SMYD3: variants seen among roughly 807,000 people sequenced by gnomAD.
SMYD3 encodes SET and MYND domain containing 3, also known as histone-lysine N-methyltransferase SMYD3.
In SMYD3, 36 loss-of-function variants were observed where a neutral mutation model predicts 57.7. That is an observed-to-expected ratio of 0.62 (90% confidence interval 0.48 to 0.82). The LOEUF (loss-of-function observed/expected upper bound fraction) is 0.82. Ranked by LOEUF, SMYD3 falls within the 40% of genes least tolerant of loss-of-function variation. The pLI is 0.00. For synonymous variants in SMYD3, 211 were observed against 195.0 expected (o/e 1.08, Z -0.68); for missense variants, 515 against 538.8 (o/e 0.96, Z 0.44).
At chr1:246,449,122 C>G (rs1027317843) in intron 1 of SMYD3, among the ~76,000 whole-genome samples, 6 of 152,076 alleles carry the variant, frequency 3.9e-5, no homozygotes, top group Non-Finnish European at 8.8e-5. Context: ...TCCAGCTACT[C>G]AGGGGGGACT....
intron 5 of SMYD3, among the ~76,000 whole-genome samples, chr1:246,076,253 T>C (rs2060544268): frequency 6.6e-6 from 1 of 152,214 alleles, no homozygotes; most frequent in Non-Finnish European, 1.5e-5. Context: ...TTCAGTTCTC[T>C]GTTCCATTCA....
Position 245,870,371 on chromosome 1 carries a change from G to A in SMYD3, c.814-6485C>T, listed in dbSNP as rs138678004. 2.0e-4 allele frequency among the ~76,000 whole-genome samples: 30 copies of A among 152,194 alleles called. No homozygotes were observed. In the East Asian group the frequency reaches 5.2e-3, roughly 27 times the overall value. ...CCCCCAGCACAGGAAACCCCACGCC[G>A]GCTCCGGACCCACGCTTTCTGACAA... is the stretch of plus-strand genomic sequence containing the variant. On this transcript the variant is annotated intron_variant, in intron 8 of 11. Transcript: ENST00000490107.
At chr1:246,261,169 C>T (rs535862400) in intron 5 of SMYD3, among the ~76,000 whole-genome samples, 5 of 152,268 alleles carry the variant, frequency 3.3e-5, no homozygotes, top group African/African-American at 1.2e-4. Context: ...CACCATTCTC[C>T]GGCCTCAGCC....
At chr1:246,183,502 G>A (rs982768200) in intron 5 of SMYD3, among the ~76,000 whole-genome samples, 1 of 151,180 alleles carries the variant, frequency 6.6e-6, no homozygotes, top group Middle Eastern at 3.2e-3. Context: ...AGAAATCAGG[G>A]AAAATGCAAA....
intron 5 of SMYD3, among the ~76,000 whole-genome samples, chr1:246,238,893 G>GTT (rs35415664): frequency 0.074 from 9,890 of 133,020 alleles, 598 homozygotes; most frequent in East Asian, 0.23. Flanking sequence ...TCTTTGTTTG[G>GTT]TTTTTTTTTT....
chr1:246,356,404 G>T (rs1054568813), intron 1 of SMYD3, among the ~76,000 whole-genome samples: 3 of 152,066 alleles, frequency 2.0e-5, no homozygotes, highest in Non-Finnish European at 4.4e-5. Context: ...CCCCCCAAAA[G>T]ATCACACCGG....
chr1:246,236,478 G>A (rs997998815), intron 5 of SMYD3, among the ~76,000 whole-genome samples: 4 of 151,890 alleles, frequency 2.6e-5, no homozygotes, highest in East Asian at 1.9e-4. Flanking sequence ...GCAGTGGTGC[G>A]ATCTCGGCTC....
chr1:246,326,637 G>A, intron 5 of SMYD3: 2 of 368,302 alleles, frequency 5.4e-6, no homozygotes, highest in Admixed American at 8.8e-5. Flanking sequence ...GGTGGCTCAT[G>A]CCTGTAATCC....
chr1:246,022,036 A>C (rs2059480707), intron 5 of SMYD3, among the ~76,000 whole-genome samples: 1 of 152,246 alleles, frequency 6.6e-6, no homozygotes, highest in African/African-American at 2.4e-5. Flanking sequence ...ACAGCAACTA[A>C]GAGTGAGCAC....
At chr1:246,235,515 G>C (rs1462231848) in intron 5 of SMYD3, among the ~76,000 whole-genome samples, 3 of 152,118 alleles carry the variant, frequency 2.0e-5, no homozygotes, top group Non-Finnish European at 4.4e-5. Flanking sequence ...GCAACAGTCA[G>C]GCTCTGCAGG....
At chr1:246,031,255 G>C (rs895205344) in intron 5 of SMYD3, among the ~76,000 whole-genome samples, 2 of 151,990 alleles carry the variant, frequency 1.3e-5, no homozygotes, top group Non-Finnish European at 2.9e-5. Flanking sequence ...AAATGATCTT[G>C]GTAGCAAACT....
At chr1:246,168,416 T>A (rs1392531088) in intron 5 of SMYD3, among the ~76,000 whole-genome samples, 2 of 152,148 alleles carry the variant, frequency 1.3e-5, no homozygotes, top group Admixed American at 6.6e-5. Context: ...TGAAAAGCAC[T>A]GTGCAAAATA....
Position 246,255,927 on chromosome 1 carries a change from A to AAGATGGAT in SMYD3, c.531+71273_531+71274insATCCATCT, listed in dbSNP as rs573628788. Among the ~76,000 whole-genome samples the AAGATGGAT allele has an allele frequency of 7.0e-4, 85 of 121,294 alleles. 1 individual carries two copies. Among genetic ancestry groups the AAGATGGAT allele is most frequent in the African/African-American group, 2.1e-3 (65 of 31,408 alleles). 79.6% of individuals were successfully genotyped at this position (121,294 alleles called of 152,430 possible). ...GTTCTCTTAGAGGGACATAACTAAT[A>AAGATGGAT]AGATAGATAGATAGATAGATAGATA... is the stretch of plus-strand genomic sequence containing the variant. On this transcript the variant is annotated intron_variant, in intron 5 of 11. Transcript: ENST00000490107.
intron 5 of SMYD3, among the ~76,000 whole-genome samples, chr1:246,115,803 AAG>A (rs1238566325): frequency 6.6e-6 from 1 of 152,230 alleles, no homozygotes; most frequent in African/African-American, 2.4e-5. Context: ...TAGCACTGGA[AAG>A]AGATAATAGA....
chr1:246,444,000 T>A (rs2067510736), intron 1 of SMYD3, among the ~76,000 whole-genome samples: 1 of 152,122 alleles, frequency 6.6e-6, no homozygotes, highest in African/African-American at 2.4e-5. Flanking sequence ...ACAATCAACT[T>A]GATTCTAAAA....
At chr1:246,454,684 CTAAT>C (rs1160490658) in intron 1 of SMYD3, among the ~76,000 whole-genome samples, 1 of 152,174 alleles carries the variant, frequency 6.6e-6, no homozygotes, top group Non-Finnish European at 1.5e-5. Context: ...AACATATTCA[CTAAT>C]TAATTTCAGT....
At chr1:246,210,881 A>G (rs2063074781) in intron 5 of SMYD3, among the ~76,000 whole-genome samples, 2 of 152,086 alleles carry the variant, frequency 1.3e-5, no homozygotes, top group Non-Finnish European at 2.9e-5. Flanking sequence ...GCAGGGCTTC[A>G]ATTCTGATTT....
chr1:246,409,654 T>G (rs1281818409), intron 1 of SMYD3, among the ~76,000 whole-genome samples: 2 of 152,150 alleles, frequency 1.3e-5, no homozygotes, highest in Non-Finnish European at 2.9e-5. Flanking sequence ...GACTTGGCAA[T>G]GCGGGCTCTT....
chr1:245,924,167 C>A (rs1325715991), intron 7 of SMYD3, among the ~76,000 whole-genome samples: 1 of 152,142 alleles, frequency 6.6e-6, no homozygotes, highest in Non-Finnish European at 1.5e-5. Flanking sequence ...CCTCCCTGAT[C>A]CATGTTTTAT....
Sources: allele counts gnomAD v4.1 joint callset (sites outside exome capture counted in the v4.1 genomes callset), GRCh38; gene constraint gnomAD v4.1.1; transcripts MANE v1.5; gene names NCBI Gene and HGNC (gene_info 2026-07-23, HGNC 2026-07-21).